Variants in MAST2 observed in about 807,000 individuals in gnomAD.
The protein encoded by MAST2 is microtubule-associated serine/threonine-protein kinase 2.
Under a neutral mutation model 147.4 loss-of-function variants are expected in MAST2, and 70 were observed. That is an observed-to-expected ratio of 0.47 (90% CI 0.39 to 0.58). MAST2 has a LOEUF of 0.58. Ranked by LOEUF, MAST2 falls within the 20% of genes least tolerant of loss-of-function variation. The pLI, the probability that MAST2 is intolerant of heterozygous loss-of-function variation, is 0.00. For synonymous variants in MAST2, 869 were observed against 896.8 expected (o/e 0.97, Z 0.55); for missense variants, 2,080 against 2,302.3 (o/e 0.90, Z 1.98).
intron 10 of MAST2, among the ~76,000 whole-genome samples, chr1:46,019,245 T>C (rs1351322699): frequency 1.3e-5 from 2 of 152,182 alleles, no homozygotes; most frequent in Non-Finnish European, 2.9e-5. Flanking sequence ...TTGAGGTCTT[T>C]CTACTCCTTA....
chr1:45,991,887 G>C (rs978754160), intron 5 of MAST2, among the ~76,000 whole-genome samples: 1 of 151,608 alleles, frequency 6.6e-6, no homozygotes, highest in East Asian at 1.9e-4. Flanking sequence ...GTTTTGTTTT[G>C]CTTTTTAATT....
At chr1:45,902,974 T>C (rs1028041067) in intron 4 of MAST2, among the ~76,000 whole-genome samples, 4 of 152,078 alleles carry the variant, frequency 2.6e-5, no homozygotes, top group African/African-American at 7.2e-5. Context: ...GGTCTCAATA[T>C]CATTTAGTTC....
intron 3 of MAST2, among the ~76,000 whole-genome samples, chr1:45,878,107 G>A (rs1331870507): frequency 6.6e-6 from 1 of 151,636 alleles, no homozygotes; most frequent in African/African-American, 2.4e-5. Context: ...GGGAGGCTGA[G>A]GCAGGAAAAT....
chr1:45,832,547 G>C (rs926770590), intron 3 of MAST2, among the ~76,000 whole-genome samples: 4 of 152,290 alleles, frequency 2.6e-5, no homozygotes, highest in African/African-American at 9.6e-5. Context: ...ACCGGCCTTG[G>C]CCTCCCTAAG....
Position 46,032,252 on chromosome 1 carries a change from T to G in MAST2, c.3262T>G (p.Ser1088Ala). 6.2e-7 allele frequency: 1 copy of G among 1,614,182 alleles called. No homozygotes were observed. Among genetic ancestry groups the G allele is most frequent in the Non-Finnish European group, 8.5e-7 (1 of 1,180,038 alleles). Residue 1088 changes from serine (S) to alanine (A), a missense_variant, in exon 25 of 29, where the codon TCT (serine) becomes GCT (alanine). Coordinates refer to ENST00000361297, the MANE Select transcript of MAST2 (RefSeq NM_015112.3). ...GTCGTCCAACCCATCATCCCGGGAC[T>G]CTTCTCCAAGCAGGGACTTCTTGCC... ...SQSSNPSSRD[S>A]SPSRDFLPAL...
intron 3 of MAST2, among the ~76,000 whole-genome samples, chr1:45,841,439 A>G (rs1254751370): frequency 2.0e-5 from 3 of 151,920 alleles, no homozygotes; most frequent in Non-Finnish European, 4.4e-5. Context: ...AGAAATATAT[A>G]CATATATATA....
rs1004026294 is a variant in MAST2 at position 46,025,823 on chromosome 1, C to T, written c.1919+8C>T. On this transcript the variant is annotated splice_region_variant and intron_variant, in intron 16 of 28. Transcript: ENST00000361297. Reference sequence around the variant, plus strand: ...TGACCTCAAGCCTGACAAGTATGTCCACAGTCTGTGTCCCTTGTCCAGGGT... The same window carrying T: ...TGACCTCAAGCCTGACAAGTATGTCTACAGTCTGTGTCCCTTGTCCAGGGT... 3.1e-6 allele frequency: 5 copies of T among 1,614,048 alleles called. No homozygotes were observed. Among genetic ancestry groups the T allele is most frequent in the Non-Finnish European group, 3.4e-6 (4 of 1,180,016 alleles).
chr1:45,890,733 G>A (rs935626829), intron 4 of MAST2, among the ~76,000 whole-genome samples: 5 of 152,146 alleles, frequency 3.3e-5, no homozygotes, highest in African/African-American at 7.2e-5. Flanking sequence ...CATGTTGTGC[G>A]GTACAATATG....
intron 1 of MAST2, among the ~76,000 whole-genome samples, chr1:45,811,830 T>A (rs1644311743): frequency 2.0e-5 from 3 of 151,608 alleles, no homozygotes; most frequent in Non-Finnish European, 2.9e-5. Flanking sequence ...GAGACGGGGT[T>A]TCACTGTGTT....
chr1:45,828,374 C>T (rs1439443499), intron 2 of MAST2, among the ~76,000 whole-genome samples: 5 of 152,114 alleles, frequency 3.3e-5, no homozygotes, highest in African/African-American at 1.2e-4. Context: ...AAGTGCAGGG[C>T]ATAATATTGA....
intron 4 of MAST2, among the ~76,000 whole-genome samples, chr1:45,918,798 A>T (rs7542039): frequency 1 from 152,270 of 152,270 alleles, 76,135 homozygotes; most frequent in Non-Finnish European, 1. Flanking sequence ...AATAAGAATG[A>T]CATGATCTGA....
At chr1:45,924,084 C>G (rs1270072811) in intron 4 of MAST2, among the ~76,000 whole-genome samples, 2 of 152,136 alleles carry the variant, frequency 1.3e-5, no homozygotes, top group Non-Finnish European at 1.5e-5. Context: ...GTTGGCAAGG[C>G]TGGTCTCAAA....
At chr1:45,824,109 G>A (rs1304824901) in intron 1 of MAST2, among the ~76,000 whole-genome samples, 1 of 151,978 alleles carries the variant, frequency 6.6e-6, no homozygotes, top group Non-Finnish European at 1.5e-5. Context: ...GATATAGGAA[G>A]GGTATGAATA....
chr1:45,815,419 C>T (rs1197341269), intron 1 of MAST2, among the ~76,000 whole-genome samples: 1 of 152,144 alleles, frequency 6.6e-6, no homozygotes, highest in Admixed American at 6.5e-5. Flanking sequence ...ATCCACCCTC[C>T]TCAGCCTCCC....
chr1:45,950,350 A>G (rs1658748719), intron 4 of MAST2, among the ~76,000 whole-genome samples: 1 of 152,128 alleles, frequency 6.6e-6, no homozygotes, highest in Non-Finnish European at 1.5e-5. Flanking sequence ...ATTAGAATGG[A>G]CACCCCCTAC....
In MAST2 at chr1:46,029,929, G is replaced by A; in HGVS notation, c.2419G>A (p.Glu807Lys). 6.2e-7 allele frequency: 1 copy of A among 1,614,210 alleles called. No individual in the cohort carries two copies. The highest frequency in any genetic ancestry group is 2.2e-5 in the East Asian group (1 of 44,886). ...TGAATTTATTCCTCAGTTGGAGTCA[G>A]AGGATGATACTAGCTATTTTGACAG... ...KAEFIPQLES[E>K]DDTSYFDTRS... Residue 807 changes from glutamate to lysine, a missense_variant, in exon 20 of 29, where the codon GAG becomes AAG. Transcript: ENST00000361297.
At chr1:46,008,161 G>T in intron 8 of MAST2, 135 bp from the exon 9 acceptor site, 1 of 643,048 alleles carries the variant, frequency 1.6e-6, no homozygotes, top group South Asian at 1.9e-5. Flanking sequence ...AAAGGCTCTA[G>T]AACTCAGTAC....
At position 46,031,106 on chromosome 1, in the gene MAST2, G is replaced by A. The variant is rs544808647; in HGVS notation, c.2808G>A (p.Ala936=). The A allele has an allele frequency of 2.3e-5, 37 of 1,612,498 alleles. No individual in the cohort carries two copies. The highest frequency in any genetic ancestry group is 1.8e-4 in the South Asian group (16 of 90,926). The change falls in exon 23 of 29, where the codon GCG becomes GCA. Residue 936 remains alanine, a synonymous_variant. Coordinates refer to ENST00000361297, the MANE Select transcript of MAST2 (RefSeq NM_015112.3). The surrounding 1 kb of genome is among the most constrained non-coding windows in gnomAD (Gnocchi z 4.1). ...GCCGCTGCTCAGGCCTCCTGGATGC[G>A]CCTCGGTTCCCGGAGGGCCCTGAGG... The part of the protein sequence containing the change: ...VRRRCSGLLD[A]PRFPEGPEEA...
chr1:45,907,274 A>G (rs1178560768), intron 4 of MAST2, among the ~76,000 whole-genome samples: 1 of 152,130 alleles, frequency 6.6e-6, no homozygotes, highest in Non-Finnish European at 1.5e-5. Context: ...GAGTTTTTAT[A>G]GTTAGTACTC....
Sources: gnomAD v4.1 joint callset for allele counts (sites outside exome capture counted in the v4.1 genomes callset) on GRCh38, gnomAD v4.1.1 for gene constraint, Gnocchi (gnomAD v3.1) non-coding constraint, MANE v1.5 for transcripts, NCBI Gene and HGNC (gene_info 2026-07-23, HGNC 2026-07-21) for gene names.